EIF4G1: variants seen among roughly 807,000 people sequenced by gnomAD.
EIF4G1 encodes eukaryotic translation initiation factor 4 gamma 1.
In EIF4G1, 4 loss-of-function variants were observed where a neutral mutation model predicts 187.8. The observed-to-expected ratio is 0.02, with a 90% CI of 0.01 to 0.05. The LOEUF (loss-of-function observed/expected upper bound fraction) is 0.05, where lower values mean the gene tolerates loss of function less well. Ranked by LOEUF, EIF4G1 falls within the 10% of genes least tolerant of loss-of-function variation. The pLI, the probability that EIF4G1 is intolerant of heterozygous loss-of-function variation, is 1.00. For missense variants in EIF4G1, 1,647 were observed against 2,081.1 expected, an observed-to-expected ratio of 0.79 and a Z score of 4.06; for synonymous variants, 844 against 781.4, an observed-to-expected ratio of 1.08 and a Z score of -1.34.
In EIF4G1 at chr3:184,325,291, A is replaced by G. The variant is rs191888688; in HGVS notation, c.2879A>G (p.Asn960Ser). Residue 960 changes from asparagine to serine, a missense_variant, in exon 19 of 33, where the codon AAC becomes AGC. By Grantham distance (46) the Asn-to-Ser change is conservative. Coordinates refer to ENST00000346169, the MANE Select transcript of EIF4G1 (RefSeq NM_198241.3). The surrounding 1 kb of genome is among the most constrained non-coding windows in gnomAD (Gnocchi z 5.2). Reference sequence around the variant, plus strand: ...TAGCCCCGAATGGATCAGTATTTCAACCAGATGGAAAAAATCATTAAAGAA... The same window carrying G: ...TAGCCCCGAATGGATCAGTATTTCAGCCAGATGGAAAAAATCATTAAAGAA... Reference protein sequence around the residue: ...KAKPRMDQYFNQMEKIIKEKK... With the variant: ...KAKPRMDQYFSQMEKIIKEKK... 4 of 1,614,122 alleles carry G rather than the reference A, an allele frequency of 2.5e-6. No individual in the cohort carries two copies. The highest frequency in any genetic ancestry group is 2.7e-5 in the African/African-American group (2 of 75,028).
chr3:184,315,822 G>GCCCCGCCCCCCCC lies in EIF4G1; in HGVS notation c.30_31insGCCCCCCCCCCCC (p.Pro11AlafsTer48). 2 of 1,544,498 alleles carry GCCCCGCCCCCCCC rather than the reference G, an allele frequency of 1.3e-6. No homozygotes were observed. Among genetic ancestry groups the GCCCCGCCCCCCCC allele is most frequent in the Non-Finnish European group, 1.8e-6 (2 of 1,140,804 alleles). On this transcript the variant is annotated frameshift_variant, in exon 3 of 33. Coordinates refer to ENST00000346169, the MANE Select transcript of EIF4G1 (RefSeq NM_198241.3). LOFTEE classifies it high-confidence loss of function. ...ATGAACAAAGCTCCACAGTCCACAG[G>GCCCCGCCCCCCCC]CCCCCCACCCGCCCCATCCCCCGGA...
chr3:184,326,793 C>T (rs1725011655), intron 22 of EIF4G1, 88 bp from the exon 23 acceptor site: 9 of 1,553,516 alleles, frequency 5.8e-6, no homozygotes, highest in Non-Finnish European at 7.1e-6. Context: ...ACTTTTGGGA[C>T]TGGGACCAAG....
At chr3:184,314,857 G>T (rs1224317724) in intron 1 of EIF4G1, among the ~76,000 whole-genome samples, 183 bp downstream of exon 1, 1 of 150,260 alleles carries the variant, frequency 6.7e-6, no homozygotes. Flanking sequence ...GCCCGGCCGG[G>T]CCTGGCTGCT....
intron 1 of EIF4G1, chr3:184,315,150 C>T (rs1722510633): frequency 1.2e-5 from 4 of 344,798 alleles, no homozygotes. Flanking sequence ...CCCGCCCGCC[C>T]TCCGGGCCGA....
intron 1 of EIF4G1, chr3:184,315,240 C>A: frequency 2.4e-6 from 1 of 417,060 alleles, no homozygotes. Context: ...CCTTCCTGGC[C>A]TACACTCCTG....
chr3:184,328,176 C>G, intron 26 of EIF4G1, 174 bp downstream of exon 26: 1 of 712,534 alleles, frequency 1.4e-6, no homozygotes, highest in South Asian at 1.6e-5. Flanking sequence ...CTTAGAGGAT[C>G]ACGTGAGGTT....
At chr3:184,327,126 A>G in intron 23 of EIF4G1, 90 bp from the exon 24 acceptor site, 1 of 1,578,660 alleles carries the variant, frequency 6.3e-7, no homozygotes, top group Admixed American at 1.7e-5. Flanking sequence ...TATGCTAAGA[A>G]CAAGGCCCAA....
Position 184,331,487 on chromosome 3 carries a change from C to G in EIF4G1, c.4276C>G (p.Leu1426Val), listed in dbSNP as rs1035340940. 2 of 1,614,184 alleles carry G rather than the reference C, an allele frequency of 1.2e-6. No individual in the cohort carries two copies. Among genetic ancestry groups the G allele is most frequent in the African/African-American group, 1.3e-5 (1 of 75,036 alleles). ...TCCATTGCAGAAGGTGGAGTATACCCTGGGAGAGGAGTCGGAAGCCCCTGG... is the reference window on the plus strand; with the variant it reads ...TCCATTGCAGAAGGTGGAGTATACCGTGGGAGAGGAGTCGGAAGCCCCTGG... Reference protein sequence around the residue: ...FVAEQKVEYTLGEESEAPGQR... With the variant: ...FVAEQKVEYTVGEESEAPGQR... Residue 1426 changes from leucine to valine, a missense_variant, in exon 30 of 33, where the codon CTG becomes GTG. Physicochemically the swap from Leu to Val is conservative, Grantham distance 32 (BLOSUM62 1). Transcript: ENST00000346169.
intron 17 of EIF4G1, 81 bp downstream of exon 17, chr3:184,324,428 A>C: frequency 6.3e-7 from 1 of 1,599,958 alleles, no homozygotes; most frequent in Non-Finnish European, 8.6e-7. Flanking sequence ...TAGAATTTGG[A>C]ATGGAGGTAG....
intron 3 of EIF4G1, 87 bp from the exon 4 acceptor site, chr3:184,316,045 G>C: frequency 2.5e-6 from 4 of 1,579,996 alleles, no homozygotes; most frequent in Non-Finnish European, 3.4e-6. Flanking sequence ...GGCTCTTGCC[G>C]CAGATCTGCT....
intron 6 of EIF4G1, 142 bp from the exon 7 acceptor site, chr3:184,319,547 G>A: frequency 2.9e-6 from 2 of 687,198 alleles, no homozygotes; most frequent in Non-Finnish European, 5.4e-6. Flanking sequence ...CTAATTCCCT[G>A]GGGGAGGAGG....
intron 3 of EIF4G1, 104 bp downstream of exon 3, chr3:184,315,960 C>T (rs1437664637): frequency 6.0e-6 from 9 of 1,510,352 alleles, no homozygotes; most frequent in Non-Finnish European, 8.0e-6. Flanking sequence ...GTGCAGCCGC[C>T]TGCTGCCAAA....
At chr3:184,316,456 T>C (rs750880994) in intron 4 of EIF4G1, among the ~76,000 whole-genome samples, 7 of 152,202 alleles carry the variant, frequency 4.6e-5, no homozygotes, top group Non-Finnish European at 8.8e-5. Context: ...TTGGGGGCAG[T>C]GCTTTGGGCC....
rs376223474 is a variant in EIF4G1, at chr3:184,322,629, C to G, written c.1694C>G (p.Pro565Arg). The change falls in exon 12 of 33, where the codon CCA (proline) becomes CGA (arginine). Residue 565 changes from proline to arginine, a missense_variant. By Grantham distance (103) the Pro-to-Arg change is moderately radical (BLOSUM62 -2). Transcript: ENST00000346169. Reference sequence around the variant, plus strand: ...GAGTCTGAGGGCAGTGGTGTGCCCCCACGTCCTGAGGAAGCAGATGAGACC... The same window carrying G: ...GAGTCTGAGGGCAGTGGTGTGCCCCGACGTCCTGAGGAAGCAGATGAGACC... Reference protein sequence around the residue: ...GPESEGSGVPPRPEEADETWD... With the variant: ...GPESEGSGVPRRPEEADETWD... 2 of 1,614,162 alleles carry G rather than the reference C, an allele frequency of 1.2e-6. No homozygotes were observed. The highest frequency in any genetic ancestry group is 2.2e-5 in the East Asian group (1 of 44,882).
chr3:184,319,649 T>G, intron 6 of EIF4G1, 40 bp from the exon 7 acceptor site: 1 of 1,326,018 alleles, frequency 7.5e-7, no homozygotes, highest in Non-Finnish European at 1.1e-6. Flanking sequence ...GGTTGGGCCC[T>G]GACGCTACCA....
intron 7 of EIF4G1, 75 bp downstream of exon 7, chr3:184,319,876 C>T (rs1464339098): frequency 2.4e-5 from 26 of 1,101,002 alleles, no homozygotes; most frequent in Admixed American, 2.0e-4. Flanking sequence ...GACATTGTGC[C>T]GGAAAGAGCA....
chr3:184,314,970 G>T (rs1301908904), intron 1 of EIF4G1, among the ~76,000 whole-genome samples: 1 of 151,402 alleles, frequency 6.6e-6, no homozygotes, highest in Non-Finnish European at 1.5e-5. Context: ...ACCCGAGGAG[G>T]CCCGGCAGCC....
intron 32 of EIF4G1, among the ~76,000 whole-genome samples, chr3:184,333,442 G>C (rs929561786): frequency 1.3e-5 from 2 of 152,138 alleles, no homozygotes; most frequent in African/African-American, 4.8e-5. Flanking sequence ...AGTGATAAGG[G>C]CCTGAGATAC....
intron 26 of EIF4G1, chr3:184,328,405 A>G (rs995418019): frequency 1.0e-5 from 7 of 676,498 alleles, no homozygotes; most frequent in African/African-American, 1.8e-5. Flanking sequence ...AAAAACCAAA[A>G]AACAGTATGG....
Sources: gnomAD v4.1 joint callset for allele counts (sites outside exome capture counted in the v4.1 genomes callset) on GRCh38, gnomAD v4.1.1 for gene constraint, Gnocchi (gnomAD v3.1) non-coding constraint, MANE v1.5 for transcripts, NCBI Gene and HGNC (gene_info 2026-07-23, HGNC 2026-07-21) for gene names.